Variants in RBFOX3 observed in about 807,000 individuals in gnomAD.
RBFOX3 encodes RNA binding fox-1 homolog 3.
A neutral mutation model predicts 48.7 loss-of-function variants in RBFOX3; 17 were observed. The ratio of observed to expected loss-of-function variants is 0.35; its 90% CI spans 0.24 to 0.52. The LOEUF (loss-of-function observed/expected upper bound fraction) is 0.52. Among genes scored for constraint, RBFOX3 ranks in the 20% least tolerant of loss-of-function variants. The probability of loss-of-function intolerance (pLI) is 0.94; values close to 1 mark genes in which losing one functional copy is unlikely to be tolerated. For missense variants in RBFOX3, 382 were observed against 497.5 expected (o/e 0.77, Z 2.21); for synonymous variants, 212 against 209.5 (o/e 1.01, Z -0.10).
intron 2 of RBFOX3, among the ~76,000 whole-genome samples, chr17:79,317,104 G>T (rs557800436): frequency 6.6e-6 from 1 of 152,164 alleles, no homozygotes; most frequent in African/African-American, 2.4e-5. Context: ...GCTCCCTCAT[G>T]GAACACTCCT....
At chr17:79,255,107 A>C in intron 3 of RBFOX3, among the ~76,000 whole-genome samples, 1 of 149,848 alleles carries the variant, frequency 6.7e-6, no homozygotes, top group African/African-American at 2.5e-5. Flanking sequence ...CAGAAACTTG[A>C]CCTCTCTCCA....
intron 4 of RBFOX3, among the ~76,000 whole-genome samples, chr17:79,168,187 C>A (rs944807976): frequency 2.6e-5 from 4 of 152,320 alleles, no homozygotes; most frequent in Middle Eastern, 3.4e-3. Flanking sequence ...TGCTGCCTGA[C>A]CCCTGACCGG....
chr17:79,364,517 C>T lies in RBFOX3; in HGVS notation c.-174-56693G>A, dbSNP rs551286665. Among the ~76,000 whole-genome samples the T allele has an allele frequency of 6.6e-5, 10 of 152,188 alleles. No individual in the cohort carries two copies. Among genetic ancestry groups the T allele is most frequent in the Non-Finnish European group, 1.5e-5 (1 of 68,036 alleles). ...CTCCCAGGCATCTGATGGGTCAGTG[C>T]GCAGTTAATGAGTGTGTTGACTGCA... is the stretch of plus-strand genomic sequence containing the variant. On this transcript the variant is annotated intron_variant, in intron 2 of 14. Transcript: ENST00000693108. The surrounding 1 kb of genome is among the most constrained non-coding windows in gnomAD (Gnocchi z 5.1).
At chr17:79,210,009 A>AT (rs960431273) in intron 4 of RBFOX3, among the ~76,000 whole-genome samples, 1 of 151,544 alleles carries the variant, frequency 6.6e-6, no homozygotes, top group African/African-American at 2.4e-5. Context: ...AAAAAAAAAA[A>AT]AAAGAAAGAA....
At chr17:79,474,801 C>T (rs896801305) in intron 2 of RBFOX3, among the ~76,000 whole-genome samples, 2 of 152,184 alleles carry the variant, frequency 1.3e-5, no homozygotes, top group Admixed American at 1.3e-4. Flanking sequence ...GAGCCCCACG[C>T]ATCACTAACT....
chr17:79,576,907 A>G (rs1027472516), intron 1 of RBFOX3, among the ~76,000 whole-genome samples: 4 of 152,168 alleles, frequency 2.6e-5, no homozygotes, highest in East Asian at 3.9e-4. Context: ...AGACACTTGT[A>G]GTCCCCTCCC....
chr17:79,544,180 T>C, intron 1 of RBFOX3, among the ~76,000 whole-genome samples: 1 of 152,168 alleles, frequency 6.6e-6, no homozygotes, highest in East Asian at 1.9e-4. Flanking sequence ...GTTGGTGTGG[T>C]CCCTGGACTG....
At chr17:79,389,638 T>C (rs1182765482) in intron 2 of RBFOX3, among the ~76,000 whole-genome samples, 1 of 152,194 alleles carries the variant, frequency 6.6e-6, no homozygotes, top group Non-Finnish European at 1.5e-5. Context: ...ATGAGCATGC[T>C]GGGCCGGTTT....
chr17:79,549,580 T>C (rs1243647143), intron 1 of RBFOX3, among the ~76,000 whole-genome samples: 1 of 152,200 alleles, frequency 6.6e-6, no homozygotes, highest in Non-Finnish European at 1.5e-5. Flanking sequence ...GATTCCAGCC[T>C]CCCACCCAAA....
rs8079143 is a variant in RBFOX3, at chr17:79,311,448, A to C, written c.-174-3624T>G. 0.11 allele frequency among the ~76,000 whole-genome samples: 15,859 copies of C among 151,002 alleles called. 1,727 individuals are homozygous for C. The highest frequency in any genetic ancestry group is 0.27 in the African/African-American group (11,130 of 40,650). ...GACTCCATCTCCAAAAAAAAAAAAA[A>C]AAAAAACAGACTGCAGCACCAATTC... On this transcript the variant is annotated intron_variant, in intron 2 of 14. Transcript: ENST00000693108. This position sits in a 1 kb window ranked among gnomAD's most constrained non-coding sequence, Gnocchi z 4.2.
chr17:79,262,238 A>T (rs2065908601), intron 3 of RBFOX3, among the ~76,000 whole-genome samples: 1 of 152,136 alleles, frequency 6.6e-6, no homozygotes, highest in Non-Finnish European at 1.5e-5. Context: ...CAGCTTCTCC[A>T]TGGAGGCTCC....
intron 3 of RBFOX3, among the ~76,000 whole-genome samples, chr17:79,277,298 TG>T (rs1012133764): frequency 3.9e-4 from 14 of 36,260 alleles, no homozygotes; most frequent in Non-Finnish European, 6.7e-4. Flanking sequence ...ATTCCAATGG[TG>T]GGGAGGGGGG....
rs367844649 is a variant in RBFOX3 at position 79,494,760 on chromosome 17, C to A, written c.-319-12162G>T. On this transcript the variant is annotated intron_variant, in intron 1 of 14. Transcript: ENST00000693108. ...CAGGACCCAGGCTGGAAGTGAGGCCCGTCAAGGACTGAACCCAACCCTGCC... is the reference window on the plus strand; with the variant it reads ...CAGGACCCAGGCTGGAAGTGAGGCCAGTCAAGGACTGAACCCAACCCTGCC... Among the ~76,000 whole-genome samples, 410 of 152,216 alleles carry A rather than the reference C, an allele frequency of 2.7e-3. 2 individuals carry two copies. In the East Asian group the frequency reaches 0.036, roughly 13 times the overall value.
In RBFOX3 at chr17:79,177,780, C is replaced by T. The variant is rs147466645; in HGVS notation, c.-34+57986G>A. Among the ~76,000 whole-genome samples the T allele has an allele frequency of 1.7e-3, 254 of 152,340 alleles. 1 individual carries two copies. Among genetic ancestry groups the T allele is most frequent in the African/African-American group, 5.2e-3 (215 of 41,576 alleles). ...TGATTCAAACCTTAGTCTGCTCAGC[C>T]ATCAGGATGAGGTTTTGCAGCCTCT... is the stretch of plus-strand genomic sequence containing the variant. On this transcript the variant is annotated intron_variant, in intron 4 of 14. Coordinates refer to ENST00000693108, the MANE Select transcript of RBFOX3 (RefSeq NM_001350451.2).
chr17:79,138,028 G>A (rs781471971), intron 4 of RBFOX3, among the ~76,000 whole-genome samples: 6 of 152,148 alleles, frequency 3.9e-5, no homozygotes, highest in South Asian at 2.1e-4. Context: ...GCCCGCCCCC[G>A]CCAAGCACTG....
At chr17:79,400,111 T>C (rs1361565219) in intron 2 of RBFOX3, among the ~76,000 whole-genome samples, 1 of 151,234 alleles carries the variant, frequency 6.6e-6, no homozygotes, top group Non-Finnish European at 1.5e-5. Context: ...GGGTTTGGAG[T>C]GGGGAAAAAG....
chr17:79,150,021 T>TTGAGGGTGGGGGGTGGGGGGGGGGGG (rs2044016624), intron 4 of RBFOX3, among the ~76,000 whole-genome samples: 1 of 12,784 alleles, frequency 7.8e-5, no homozygotes, highest in Non-Finnish European at 1.4e-4. Context: ...GGGATGGGGG[T>TTGAGGGTGGGGGGTGGGGGGGGGGGG]TGAGGGTGGG....
chr17:79,420,181 T>C (rs1013111214), intron 2 of RBFOX3, among the ~76,000 whole-genome samples: 3 of 111,134 alleles, frequency 2.7e-5, no homozygotes. Flanking sequence ...ACACAAAAGA[T>C]GGTTAACAGG....
intron 2 of RBFOX3, among the ~76,000 whole-genome samples, chr17:79,385,175 G>C (rs561820831): frequency 6.6e-6 from 1 of 152,332 alleles, no homozygotes; most frequent in South Asian, 2.1e-4. Context: ...TAACTGGGAA[G>C]GGCAGAGACG....
Sources: gnomAD v4.1 joint callset for allele counts (sites outside exome capture counted in the v4.1 genomes callset) on GRCh38, gnomAD v4.1.1 for gene constraint, Gnocchi (gnomAD v3.1) non-coding constraint, MANE v1.5 for transcripts, NCBI Gene and HGNC (gene_info 2026-07-23, HGNC 2026-07-21) for gene names.